PRSS23: variants seen among roughly 807,000 people sequenced by gnomAD.
The protein encoded by PRSS23 is serine protease 23.
PRSS23 carries 25 observed loss-of-function variants against 34.7 expected under a neutral mutation model. That is an observed-to-expected ratio of 0.72 (90% CI 0.53 to 1.01). The LOEUF (loss-of-function observed/expected upper bound fraction) is 1.01. PRSS23 is among the 50% of genes least tolerant of loss of function. The pLI is 0.00. For synonymous variants in PRSS23, 176 were observed against 186.6 expected (o/e 0.94, Z 0.46); for missense variants, 445 against 475.6 (o/e 0.94, Z 0.60).
chr11:86,930,618 C>T (rs1272336105), intron 2 of PRSS23, among the ~76,000 whole-genome samples: 1 of 152,054 alleles, frequency 6.6e-6, no homozygotes, highest in Non-Finnish European at 1.5e-5. Flanking sequence ...AGTGAAACCC[C>T]GTCTCTACTA....
chr11:86,907,082 C>T (rs1565382711), intron 2 of PRSS23, among the ~76,000 whole-genome samples: 3 of 152,174 alleles, frequency 2.0e-5, no homozygotes, highest in Non-Finnish European at 4.4e-5. Flanking sequence ...GACAGAATAC[C>T]ATTGCTGGCC....
intron 2 of PRSS23, among the ~76,000 whole-genome samples, chr11:86,893,224 G>GCCACACCTTGATT (rs1948852953): frequency 6.6e-6 from 1 of 152,156 alleles, no homozygotes; most frequent in African/African-American, 2.4e-5. Flanking sequence ...GCTTAGTCCT[G>GCCACACCTTGATT]CCACACCTTG....
intron 2 of PRSS23, among the ~76,000 whole-genome samples, chr11:86,929,105 T>C (rs1458346675): frequency 6.6e-6 from 1 of 152,058 alleles, no homozygotes; most frequent in African/African-American, 2.4e-5. Flanking sequence ...GCAGATCACC[T>C]GAGGTTGGGA....
chr11:86,807,036 T>C (rs1948109387), intron 1 of PRSS23, among the ~76,000 whole-genome samples: 1 of 152,110 alleles, frequency 6.6e-6, no homozygotes, highest in African/African-American at 2.4e-5. Context: ...ACAAAAAATC[T>C]CATACCCTTT....
At chr11:86,948,042 T>A (rs1441418730) in intron 2 of PRSS23, 2 of 151,818 alleles carry the variant, frequency 1.3e-5, no homozygotes, top group Non-Finnish European at 2.9e-5. Context: ...CATGTCCTTG[T>A]GGCCTACTCT....
rs1948251488 is a variant in PRSS23 at position 86,821,511 on chromosome 11, A to G, written c.-11-1866A>G. The G allele has an allele frequency of 5.2e-5, 84 of 1,611,076 alleles. 1 individual carries two copies. In the South Asian group the frequency reaches 8.9e-4, roughly 17 times the overall value. ...TTATGAGCTGCACAAAGAAAAATCC[A>G]TTGTTCAGTTGCTGTCATTTGAGTG... is the stretch of plus-strand genomic sequence containing the variant. On this transcript the variant is annotated intron_variant, in intron 1 of 2. Coordinates refer to the PRSS23 transcript ENST00000533902.
intron 2 of PRSS23, chr11:86,832,999 A>T: frequency 9.5e-6 from 4 of 419,592 alleles, no homozygotes; most frequent in South Asian, 6.3e-5. Context: ...AGTCTAAAAG[A>T]CTGAGAAAAA....
At chr11:86,806,714 G>A (rs1300429675) in intron 1 of PRSS23, among the ~76,000 whole-genome samples, 1 of 152,192 alleles carries the variant, frequency 6.6e-6, no homozygotes, top group Non-Finnish European at 1.5e-5. Flanking sequence ...GCGTCAGCAT[G>A]CAACATTCAT....
chr11:86,854,882 A>G (rs750911935), intron 2 of PRSS23, among the ~76,000 whole-genome samples: 8 of 152,198 alleles, frequency 5.3e-5, no homozygotes, highest in Non-Finnish European at 1.2e-4. Flanking sequence ...AAAATACAGC[A>G]TGGGCCAGGT....
intron 1 of PRSS23, 133 bp downstream of exon 1, chr11:86,800,784 C>A: frequency 2.7e-6 from 1 of 371,546 alleles, no homozygotes; most frequent in Non-Finnish European, 3.7e-6. Context: ...AGGACTTCGC[C>A]AGGGCAGTCC....
downstream of PRSS23, among the ~76,000 whole-genome samples, chr11:86,814,654 T>G (rs1444966927): frequency 1.3e-5 from 2 of 152,188 alleles, no homozygotes; most frequent in Non-Finnish European, 1.5e-5. Context: ...TTGCCTTGTG[T>G]GTCTCTGTGC....
At chr11:86,951,230 T>C (rs1949288144) in exon 3 of PRSS23, 3 of 1,614,170 alleles carry the variant, frequency 1.9e-6, no homozygotes, top group Admixed American at 3.3e-5. Context: ...CACCAATCTG[T>C]TGGAACACTT....
At chr11:86,829,605 C>T (rs888464485) in intron 2 of PRSS23, among the ~76,000 whole-genome samples, 88 of 152,110 alleles carry the variant, frequency 5.8e-4, no homozygotes, top group Non-Finnish European at 1.0e-3. Context: ...TGTTTTTTCC[C>T]CATCTTTGTG....
At chr11:86,838,148 T>C (rs755094140) in intron 2 of PRSS23, among the ~76,000 whole-genome samples, 2 of 151,850 alleles carry the variant, frequency 1.3e-5, no homozygotes, top group African/African-American at 2.4e-5. Context: ...GTGTTTACAA[T>C]ATAAAATTTG....
chr11:86,911,332 T>C (rs1182076014), intron 2 of PRSS23: 1 of 152,198 alleles, frequency 6.6e-6, no homozygotes, highest in African/African-American at 2.4e-5. Flanking sequence ...TTATTATAAA[T>C]ACATGGGGTA....
chr11:86,842,643 C>G (rs775941448), intron 2 of PRSS23, among the ~76,000 whole-genome samples: 17 of 150,734 alleles, frequency 1.1e-4, no homozygotes, highest in Admixed American at 2.6e-4. Context: ...TAATAGAGAG[C>G]TAAATCATAA....
chr11:86,839,829 G>C (rs995775334), intron 2 of PRSS23, among the ~76,000 whole-genome samples: 2 of 150,220 alleles, frequency 1.3e-5, no homozygotes, highest in African/African-American at 4.9e-5. Context: ...TTTCAATCCA[G>C]AATCTCGTAT....
At chr11:86,943,711 T>C (rs180704285) in intron 2 of PRSS23, among the ~76,000 whole-genome samples, 206 of 152,282 alleles carry the variant, frequency 1.4e-3, no homozygotes, top group African/African-American at 4.9e-3. Context: ...TGTAACAAAT[T>C]ATCACAAACT....
At chr11:86,862,794 C>T (rs1375483688) in intron 2 of PRSS23, among the ~76,000 whole-genome samples, 1 of 151,940 alleles carries the variant, frequency 6.6e-6, no homozygotes, top group Non-Finnish European at 1.5e-5. Flanking sequence ...GGTGTGTACA[C>T]TCCATGATAT....
Sources: gnomAD v4.1 joint callset for allele counts (sites outside exome capture counted in the v4.1 genomes callset) on GRCh38, gnomAD v4.1.1 for gene constraint, MANE v1.5 for transcripts, NCBI Gene and HGNC (gene_info 2026-07-23, HGNC 2026-07-21) for gene names.